The following GRIK3 variants were observed in gnomAD, a reference collection of about 807,000 sequenced individuals.
The protein encoded by GRIK3 is glutamate receptor ionotropic, kainate 3.
Under a neutral mutation model 102.5 loss-of-function variants are expected in GRIK3, and 29 were observed. The observed-to-expected ratio is 0.28, with a 90% CI of 0.21 to 0.39. GRIK3 has a LOEUF of 0.39. GRIK3 is among the 10% of genes least tolerant of loss of function. The probability of loss-of-function intolerance (pLI) is 1.00; values close to 1 mark genes in which losing one functional copy is unlikely to be tolerated. For synonymous variants in GRIK3, 511 were observed against 504.9 expected, an observed-to-expected ratio of 1.01 and a Z score of -0.16; for missense variants, 908 against 1,252.4, an observed-to-expected ratio of 0.73 and a Z score of 4.15.
chr1:36,923,157 G>A (rs752028230), intron 1 of GRIK3, among the ~76,000 whole-genome samples: 2 of 152,180 alleles, frequency 1.3e-5, no homozygotes, highest in Non-Finnish European at 2.9e-5. Flanking sequence ...TAATGTTTCT[G>A]GTTAAATTAA....
chr1:36,961,941 T>C (rs1380178469), intron 1 of GRIK3, among the ~76,000 whole-genome samples: 2 of 152,184 alleles, frequency 1.3e-5, no homozygotes, highest in African/African-American at 4.8e-5. Context: ...AGCCAGATGA[T>C]TCCACATGTG....
At chr1:36,907,847 C>A (rs542540802) in intron 1 of GRIK3, among the ~76,000 whole-genome samples, 13 of 152,056 alleles carry the variant, frequency 8.5e-5, no homozygotes, top group Non-Finnish European at 1.6e-4. Context: ...CACAGGCAGA[C>A]CTCGATTTGA....
At chr1:36,916,781 A>T (rs892964867) in intron 1 of GRIK3, among the ~76,000 whole-genome samples, 2 of 152,198 alleles carry the variant, frequency 1.3e-5, no homozygotes, top group African/African-American at 4.8e-5. Flanking sequence ...ATGCCCAGAC[A>T]AAAGTTTGCT....
At position 37,002,465 on chromosome 1, in the gene GRIK3, C is replaced by G. The variant is rs538937673; in HGVS notation, c.115+31529G>C. The stretch of plus-strand genomic sequence containing the variant: ...GTGGGTTGAGAAGCAGGCCAGCCAC[C>G]ACTTTCTCTAGATAGTCTAGGATTT... On this transcript the variant is annotated intron_variant, in intron 1 of 15. Coordinates refer to ENST00000373091, the MANE Select transcript of GRIK3 (RefSeq NM_000831.4). 2.0e-5 allele frequency among the ~76,000 whole-genome samples: 3 copies of G among 152,148 alleles called. No individual in the cohort carries two copies. The South Asian group carries it at 6.2e-4, about 31-fold the overall frequency.
At chr1:36,813,750 G>A (rs1642590019) in intron 13 of GRIK3, among the ~76,000 whole-genome samples, 1 of 151,484 alleles carries the variant, frequency 6.6e-6, no homozygotes, top group African/African-American at 2.4e-5. Flanking sequence ...CCTTCAGCGG[G>A]GGCGGGGCGG....
chr1:36,871,115 A>G (rs557039000), intron 4 of GRIK3, among the ~76,000 whole-genome samples: 52 of 152,264 alleles, frequency 3.4e-4, no homozygotes, highest in African/African-American at 1.2e-3. Flanking sequence ...CCATAATGGT[A>G]TGAGATGGGG....
At chr1:37,011,034 C>A (rs1259552935) in intron 1 of GRIK3, among the ~76,000 whole-genome samples, 2 of 152,214 alleles carry the variant, frequency 1.3e-5, no homozygotes, top group East Asian at 1.9e-4. Flanking sequence ...AGCCACCACG[C>A]CCGGCCTACC....
chr1:36,942,611 A>T (rs1199296323), intron 1 of GRIK3, among the ~76,000 whole-genome samples: 2 of 149,922 alleles, frequency 1.3e-5, no homozygotes, highest in African/African-American at 4.9e-5. Flanking sequence ...GTCAAACTCC[A>T]CCTCATCACT....
intron 8 of GRIK3, 107 bp downstream of exon 8, chr1:36,853,508 G>A (rs1431862812): frequency 6.9e-6 from 5 of 722,690 alleles, no homozygotes; most frequent in Non-Finnish European, 1.2e-5. Flanking sequence ...AGGGGCAGCT[G>A]GACTGTGTCT....
intron 1 of GRIK3, among the ~76,000 whole-genome samples, chr1:36,957,838 A>G (rs151071082): frequency 0.41 from 34,667 of 84,090 alleles, 8,587 homozygotes; most frequent in African/African-American, 0.58. Flanking sequence ...TGTGTGTCCC[A>G]TGACTCTGTG....
chr1:36,907,580 A>C (rs1004438561), intron 1 of GRIK3, among the ~76,000 whole-genome samples: 34 of 152,120 alleles, frequency 2.2e-4, no homozygotes, highest in Non-Finnish European at 4.4e-4. Flanking sequence ...AAAGGACAAG[A>C]GGCGAGATGA....
At chr1:36,884,456 A>T (rs1272295664) in intron 2 of GRIK3, among the ~76,000 whole-genome samples, 5 of 152,088 alleles carry the variant, frequency 3.3e-5, no homozygotes, top group Admixed American at 6.5e-5. Flanking sequence ...ATCTTCCCCG[A>T]CAACCTTGTC....
In GRIK3 at chr1:36,806,007, ATGGAATGAGCTG is replaced by A; in HGVS notation, c.2314+85_2314+96del. ...AGAAAACGTCACCTTTATCAGCCCC[ATGGAATGAGCTG>A]TGAGACGGAGTGTGAGGGGACGCGG... On this transcript the variant is annotated intron_variant, in intron 14 of 15. Transcript: ENST00000373091. This position sits in a 1 kb window ranked among gnomAD's most constrained non-coding sequence, Gnocchi z 4.0. 1 of 686,622 alleles carries A rather than the reference ATGGAATGAGCTG, an allele frequency of 1.5e-6. No individual in the cohort carries two copies. Among genetic ancestry groups the A allele is most frequent in the Non-Finnish European group, 2.5e-6 (1 of 396,614 alleles). The allele number at this position is 686,622 out of a possible 1,614,324, so 42.5% of individuals were successfully genotyped here. A position where few individuals can be genotyped will look rare whatever the true frequency, so the allele number is the denominator to read the frequency against.
chr1:36,954,789 C>A (rs990841313), intron 1 of GRIK3, among the ~76,000 whole-genome samples: 1 of 152,190 alleles, frequency 6.6e-6, no homozygotes, highest in Non-Finnish European at 1.5e-5. Flanking sequence ...CAGAAAAAAA[C>A]CAGCTACAGA....
intron 2 of GRIK3, among the ~76,000 whole-genome samples, chr1:36,888,622 C>T (rs933464338): frequency 1.3e-5 from 2 of 152,196 alleles, no homozygotes; most frequent in Non-Finnish European, 2.9e-5. Context: ...GAACCAGCCA[C>T]CTCTGTCTTA....
chr1:36,854,083 C>T (rs998003329), intron 7 of GRIK3, among the ~76,000 whole-genome samples: 14 of 152,150 alleles, frequency 9.2e-5, no homozygotes, highest in Admixed American at 6.5e-5. Flanking sequence ...TGCCAAGAAG[C>T]AGAAAAGCCA....
At chr1:37,030,921 G>A (rs565398365) in intron 1 of GRIK3, among the ~76,000 whole-genome samples, 18 of 152,216 alleles carry the variant, frequency 1.2e-4, no homozygotes, top group African/African-American at 3.6e-4. Flanking sequence ...GATGGAAATG[G>A]CCCAACAAAC....
intron 1 of GRIK3, among the ~76,000 whole-genome samples, chr1:37,009,376 G>A (rs1196473824): frequency 2.0e-5 from 3 of 152,194 alleles, no homozygotes; most frequent in African/African-American, 7.2e-5. Flanking sequence ...GCAGGTCAAG[G>A]CCAGGCCAGA....
chr1:37,018,985 T>C (rs140346867), intron 1 of GRIK3, among the ~76,000 whole-genome samples: 2 of 152,082 alleles, frequency 1.3e-5, no homozygotes, highest in African/African-American at 4.8e-5. Flanking sequence ...CAAGCTAGAT[T>C]TTCCCTCCCA....
Sources: allele counts gnomAD v4.1 joint callset (sites outside exome capture counted in the v4.1 genomes callset), GRCh38; gene constraint gnomAD v4.1.1; non-coding constraint Gnocchi (gnomAD v3.1); transcripts MANE v1.5; gene names NCBI Gene and HGNC (gene_info 2026-07-23, HGNC 2026-07-21).